FUT8: variants seen among roughly 807,000 people sequenced by gnomAD.
FUT8 encodes fucosyltransferase 8, also known as alpha-(1,6)-fucosyltransferase.
Under a neutral mutation model 71.3 loss-of-function variants are expected in FUT8, and 29 were observed. The observed-to-expected ratio is 0.41, with a 90% CI of 0.30 to 0.55. FUT8 has a LOEUF of 0.55. Among genes scored for constraint, FUT8 ranks in the 20% least tolerant of loss-of-function variants. The probability of loss-of-function intolerance (pLI) is 0.34; values close to 1 mark genes in which losing one functional copy is unlikely to be tolerated. For synonymous variants in FUT8, 254 were observed against 239.3 expected, an observed-to-expected ratio of 1.06 and a Z score of -0.57; for missense variants, 544 against 702.1, an observed-to-expected ratio of 0.77 and a Z score of 2.55.
intron 2 of FUT8, among the ~76,000 whole-genome samples, chr14:65,517,742 C>T (rs557651629): frequency 6.4e-4 from 98 of 152,154 alleles, no homozygotes; most frequent in Non-Finnish European, 1.1e-3. Context: ...ATCCCCTACT[C>T]CCACCTTGCA....
At chr14:65,674,231 A>T (rs1352843488) in intron 7 of FUT8, among the ~76,000 whole-genome samples, 1 of 152,136 alleles carries the variant, frequency 6.6e-6, no homozygotes, top group Non-Finnish European at 1.5e-5. Context: ...ACTATTTTTG[A>T]TCCCTTATGC....
At chr14:65,566,422 A>G (rs1886198607) in intron 3 of FUT8, among the ~76,000 whole-genome samples, 1 of 152,018 alleles carries the variant, frequency 6.6e-6, no homozygotes, top group Admixed American at 6.6e-5. Flanking sequence ...TTCTCACCAC[A>G]GAAGGGAAGT....
the FUT8 span, among the ~76,000 whole-genome samples, chr14:65,361,713 G>A: frequency 3.9e-5 from 6 of 152,138 alleles, no homozygotes; most frequent in East Asian, 3.9e-4. Flanking sequence ...GCTTGAACCC[G>A]GAGGTGGAAG....
At chr14:65,402,639 C>A in the FUT8 span, among the ~76,000 whole-genome samples, 1 of 150,396 alleles carries the variant, frequency 6.6e-6, no homozygotes, top group African/African-American at 2.5e-5. Context: ...GCACTCCAGC[C>A]TGGGTGACAG....
rs115148239 is a variant in FUT8 at position 65,621,952 on chromosome 14, T to C, written c.482+5579T>C. Among the ~76,000 whole-genome samples the C allele has an allele frequency of 4.9e-3, 738 of 152,050 alleles. 8 individuals are homozygous for C. Among genetic ancestry groups the C allele is most frequent in the African/African-American group, 0.017 (701 of 41,458 alleles). The stretch of plus-strand genomic sequence containing the variant: ...CAATTCTCGTGCCCCAGCCTCCGGG[T>C]AGCTGGGACTACAGGCACACGCCAC... On this transcript the variant is annotated intron_variant, in intron 5 of 10. Transcript: ENST00000673929.
At chr14:65,614,695 G>A (rs1175905963) in intron 3 of FUT8, among the ~76,000 whole-genome samples, 2 of 152,070 alleles carry the variant, frequency 1.3e-5, no homozygotes, top group Non-Finnish European at 2.9e-5. Flanking sequence ...TTCCTCTTCT[G>A]TAGTAAAATC....
chr14:65,384,752 C>T, the FUT8 span, among the ~76,000 whole-genome samples: 4 of 152,110 alleles, frequency 2.6e-5, no homozygotes, highest in Admixed American at 6.6e-5. The surrounding 1 kb of genome is among the most constrained non-coding windows in gnomAD (Gnocchi z 4.2). Context: ...CAGCCTCTGT[C>T]GGGAAGATTT....
At chr14:65,563,163 C>T (rs1025884389) in intron 3 of FUT8, among the ~76,000 whole-genome samples, 44 of 151,944 alleles carry the variant, frequency 2.9e-4, no homozygotes, top group African/African-American at 1.0e-3. Flanking sequence ...TATTTTCTTT[C>T]CTACTTGGGG....
intron 1 of FUT8, among the ~76,000 whole-genome samples, chr14:65,443,266 C>A (rs938871479): frequency 2.0e-5 from 3 of 151,714 alleles, no homozygotes; most frequent in Non-Finnish European, 4.4e-5. Context: ...AAAAATTAGC[C>A]GGGCATGGTG....
intron 7 of FUT8, among the ~76,000 whole-genome samples, chr14:65,692,642 C>T (rs548046773): frequency 7.3e-5 from 11 of 151,298 alleles, no homozygotes; most frequent in East Asian, 2.0e-4. Context: ...GGGTGGCTGC[C>T]GGGCGGAGAC....
chr14:65,732,359 T>C (rs1210542181), intron 9 of FUT8, among the ~76,000 whole-genome samples: 1 of 152,230 alleles, frequency 6.6e-6, no homozygotes, highest in Non-Finnish European at 1.5e-5. Flanking sequence ...CAGCATTGTG[T>C]GGAGTGCTAG....
rs930415289 is a variant in FUT8, at chr14:65,603,543, G to A, written c.204-12435G>A. ...TGATGGCGGTATTTTGATGGGGATT[G>A]CATTGAATTTGTAGATTTGGCGGTA... On this transcript the variant is annotated intron_variant, in intron 3 of 10. Transcript: ENST00000673929. The surrounding 1 kb of genome is among the most constrained non-coding windows in gnomAD (Gnocchi z 4.5). Among the ~76,000 whole-genome samples, 1 of 151,624 alleles carries A rather than the reference G, an allele frequency of 6.6e-6. No individual in the cohort carries two copies. The highest frequency in any genetic ancestry group is 1.5e-5 in the Non-Finnish European group (1 of 67,842).
intron 7 of FUT8, among the ~76,000 whole-genome samples, chr14:65,720,342 T>C (rs1895352021): frequency 6.6e-6 from 1 of 152,128 alleles, no homozygotes; most frequent in Non-Finnish European, 1.5e-5. Flanking sequence ...TTGCCAGGCC[T>C]GGGACTTGCC....
At chr14:65,612,061 T>A (rs1012552141) in intron 3 of FUT8, among the ~76,000 whole-genome samples, 12 of 152,224 alleles carry the variant, frequency 7.9e-5, no homozygotes, top group African/African-American at 2.4e-4. Flanking sequence ...GATTCTAACA[T>A]CTGTGTCAGT....
At chr14:65,360,614 A>G in the FUT8 span, among the ~76,000 whole-genome samples, 1 of 152,208 alleles carries the variant, frequency 6.6e-6, no homozygotes. Flanking sequence ...GCACTGGATA[A>G]TGAGGAGATG....
chr14:65,591,251 C>A (rs948065288), intron 3 of FUT8, among the ~76,000 whole-genome samples: 2 of 152,044 alleles, frequency 1.3e-5, no homozygotes, highest in African/African-American at 4.8e-5. Context: ...TATTAATGGT[C>A]TATATGGGTT....
chr14:65,504,871 G>A (rs1290177098), intron 2 of FUT8, among the ~76,000 whole-genome samples: 1 of 152,162 alleles, frequency 6.6e-6, no homozygotes, highest in Admixed American at 6.5e-5. Flanking sequence ...GAACCCAGGA[G>A]GCAGAGGTTG....
intron 7 of FUT8, among the ~76,000 whole-genome samples, chr14:65,713,370 A>G (rs8018278): frequency 0.35 from 53,671 of 152,150 alleles, 11,784 homozygotes; most frequent in Non-Finnish European, 0.49. Flanking sequence ...ATGGGAGTTC[A>G]GGTATCTCTT....
chr14:65,630,428 A>C (rs1292270597), intron 6 of FUT8, among the ~76,000 whole-genome samples: 1 of 152,154 alleles, frequency 6.6e-6, no homozygotes, highest in Non-Finnish European at 1.5e-5. Context: ...TTTCTGCTTA[A>C]TATGCCATAA....
Sources: allele counts gnomAD v4.1 joint callset (sites outside exome capture counted in the v4.1 genomes callset), GRCh38; gene constraint gnomAD v4.1.1; non-coding constraint Gnocchi (gnomAD v3.1); transcripts MANE v1.5; gene names NCBI Gene and HGNC (gene_info 2026-07-23, HGNC 2026-07-21).